The following PALM2AKAP2 variants were observed in gnomAD, a reference collection of about 807,000 sequenced individuals.
The protein encoded by PALM2AKAP2 is PALM2 and AKAP2 fusion, also known as PALM2-AKAP2 fusion protein.
In PALM2AKAP2, 37 loss-of-function variants were observed where a neutral mutation model predicts 71.5. That is an observed-to-expected ratio of 0.52 (90% CI 0.40 to 0.68). PALM2AKAP2 has a LOEUF of 0.68. Among genes scored for constraint, PALM2AKAP2 ranks in the 30% least tolerant of loss-of-function variants. The probability of loss-of-function intolerance (pLI) is 0.00; values close to 1 mark genes in which losing one functional copy is unlikely to be tolerated. For synonymous variants in PALM2AKAP2, 468 were observed against 478.8 expected, an observed-to-expected ratio of 0.98 and a Z score of 0.29; for missense variants, 1,224 against 1,191.8, an observed-to-expected ratio of 1.03 and a Z score of -0.40.
At position 109,704,002 on chromosome 9, in the gene PALM2AKAP2, T is replaced by A. The variant is rs573336195; in HGVS notation, c.5+63136T>A. Among the ~76,000 whole-genome samples, 300 of 152,294 alleles carry A rather than the reference T, an allele frequency of 2.0e-3. 2 individuals are homozygous for A. The highest frequency in any genetic ancestry group is 6.9e-3 in the African/African-American group (287 of 41,552). On this transcript the variant is annotated intron_variant, in intron 1 of 6. Transcript: ENST00000374531. ...TCCACACTGGTCACTTTTGAAAGGC[T>A]CCTTGGCCAGGTTCTTGTATCTTGG...
chr9:109,930,920 T>C (rs911824264), intron 5 of PALM2AKAP2, among the ~76,000 whole-genome samples: 1 of 152,128 alleles, frequency 6.6e-6, no homozygotes, highest in Non-Finnish European at 1.5e-5. Context: ...AGATACAAGG[T>C]CCATTTTGCA....
At chr9:110,001,494 C>T (rs956297774) in intron 6 of PALM2AKAP2, among the ~76,000 whole-genome samples, 1 of 152,200 alleles carries the variant, frequency 6.6e-6, no homozygotes, top group Non-Finnish European at 1.5e-5. Context: ...CTTGGCAATG[C>T]AGGCTCTTTT....
rs150704258 is a variant in PALM2AKAP2, at chr9:109,895,254, G to A, written c.257+14573G>A. Among the ~76,000 whole-genome samples the A allele has an allele frequency of 3.0e-3, 463 of 152,332 alleles. 1 individual carries two copies. The highest frequency in any genetic ancestry group is 0.011 in the African/African-American group (449 of 41,574). On this transcript the variant is annotated intron_variant, in intron 3 of 9. Transcript: ENST00000302798. ...GCAGCTGTTTCATAAACATGACTTT[G>A]CGGGGGCAGCTCAGGCCTTCCATGC...
At chr9:110,072,991 T>A (rs1048488536) in intron 1 of PALM2AKAP2, among the ~76,000 whole-genome samples, 1 of 152,216 alleles carries the variant, frequency 6.6e-6, no homozygotes, top group Non-Finnish European at 1.5e-5. Flanking sequence ...AGAGGAGACA[T>A]GCATCACTAT....
At chr9:110,023,031 A>G (rs1023456580) in intron 7 of PALM2AKAP2, among the ~76,000 whole-genome samples, 4 of 152,122 alleles carry the variant, frequency 2.6e-5, no homozygotes, top group African/African-American at 7.2e-5. Context: ...TAGTGCCACA[A>G]TAAACATACG....
chr9:110,047,716 G>A (rs1011744215), upstream of PALM2AKAP2, among the ~76,000 whole-genome samples: 1 of 152,160 alleles, frequency 6.6e-6, no homozygotes, highest in African/African-American at 2.4e-5. Context: ...GAATGAATGC[G>A]GCCACCTACA....
intron 6 of PALM2AKAP2, among the ~76,000 whole-genome samples, chr9:109,991,262 A>G (rs1588047559): frequency 6.6e-6 from 1 of 150,422 alleles, no homozygotes; most frequent in African/African-American, 2.4e-5. Context: ...TTTAAGACAG[A>G]GTCTCCCTCT....
chr9:109,831,281 C>T (rs1284795825), intron 1 of PALM2AKAP2, among the ~76,000 whole-genome samples: 1 of 151,990 alleles, frequency 6.6e-6, no homozygotes, highest in Non-Finnish European at 1.5e-5. Context: ...TGAAGGTTGC[C>T]TTGTATTAGG....
At chr9:109,676,785 A>G (rs2118505345) in intron 1 of PALM2AKAP2, among the ~76,000 whole-genome samples, 1 of 152,350 alleles carries the variant, frequency 6.6e-6, no homozygotes, top group East Asian at 1.9e-4. Context: ...AAGGGAGAAA[A>G]GTGTTTCAAG....
chr9:109,997,340 A>G (rs1832593330), intron 6 of PALM2AKAP2, among the ~76,000 whole-genome samples: 2 of 152,136 alleles, frequency 1.3e-5, no homozygotes, highest in African/African-American at 4.8e-5. Context: ...ATCATGTTGT[A>G]TGAGGATTAA....
At chr9:109,899,454 TCCCTTC>T (rs1224182095) in intron 3 of PALM2AKAP2, among the ~76,000 whole-genome samples, 1 of 151,728 alleles carries the variant, frequency 6.6e-6, no homozygotes, top group Non-Finnish European at 1.5e-5. Flanking sequence ...TCACCTAGTC[TCCCTTC>T]CCCTAGTGTT....
At chr9:109,782,777 T>TGTGC (rs1491275804) in intron 1 of PALM2AKAP2, among the ~76,000 whole-genome samples, 1 of 144,732 alleles carries the variant, frequency 6.9e-6, no homozygotes, top group African/African-American at 2.6e-5. Context: ...TGTGTGTGTG[T>TGTGC]ATGTGTGTGT....
chr9:110,111,790 C>G (rs1835260123), intron 1 of PALM2AKAP2, among the ~76,000 whole-genome samples: 1 of 152,110 alleles, frequency 6.6e-6, no homozygotes, highest in Non-Finnish European at 1.5e-5. Context: ...TTTTAAAATA[C>G]AACAAAGCTG....
intron 6 of PALM2AKAP2, among the ~76,000 whole-genome samples, chr9:109,953,005 T>C (rs1268236719): frequency 6.6e-6 from 1 of 152,216 alleles, no homozygotes; most frequent in Non-Finnish European, 1.5e-5. Flanking sequence ...TGTCCAAATA[T>C]AGAGATTATA....
Position 110,004,972 on chromosome 9 carries a change from G to A in PALM2AKAP2, c.497-10982G>A, listed in dbSNP as rs142098454. Among the ~76,000 whole-genome samples, 376 of 152,258 alleles carry A rather than the reference G, an allele frequency of 2.5e-3. 6 individuals carry two copies. The Middle Eastern group carries it at 0.037, about 15-fold the overall frequency. Reference sequence around the variant, plus strand: ...TTTTTAACTTCTTTGCCATGGGTTCGAATTTCCTCCTTTAGCTCGGAGTAG... The same window carrying A: ...TTTTTAACTTCTTTGCCATGGGTTCAAATTTCCTCCTTTAGCTCGGAGTAG... On this transcript the variant is annotated intron_variant, in intron 6 of 9. Coordinates refer to the PALM2AKAP2 transcript ENST00000302798.
intron 1 of PALM2AKAP2, among the ~76,000 whole-genome samples, chr9:110,055,171 T>G (rs186207547): frequency 0.014 from 958 of 67,820 alleles, 12 homozygotes; most frequent in African/African-American, 0.033. Context: ...AGTTTTTTAG[T>G]TTTTTTTTTT....
chr9:109,998,492 A>G (rs1005330238), intron 6 of PALM2AKAP2, among the ~76,000 whole-genome samples: 3 of 152,140 alleles, frequency 2.0e-5, no homozygotes, highest in Non-Finnish European at 4.4e-5. Context: ...ACAAAAGCGA[A>G]CACTCAATAG....
rs549692543 is a variant in PALM2AKAP2, at chr9:109,798,251, C to T, written c.45+17718C>T. The stretch of plus-strand genomic sequence containing the variant: ...ATAAGTTGATGACTTCTGAAAGGAC[C>T]CTGACTCAGAAATATCCTGAGGTAC... On this transcript the variant is annotated intron_variant, in intron 1 of 9. Coordinates refer to the PALM2AKAP2 transcript ENST00000302798. 5.3e-5 allele frequency among the ~76,000 whole-genome samples: 8 copies of T among 152,242 alleles called. No homozygotes were observed. The East Asian group carries it at 1.5e-3, about 29-fold the overall frequency.
chr9:109,754,864 G>A (rs1364358262), intron 1 of PALM2AKAP2, among the ~76,000 whole-genome samples: 2 of 152,006 alleles, frequency 1.3e-5, no homozygotes. Flanking sequence ...TTCCACATAC[G>A]AATGTTGGGG....
Sources: gnomAD v4.1 joint callset for allele counts (sites outside exome capture counted in the v4.1 genomes callset) on GRCh38, gnomAD v4.1.1 for gene constraint, MANE v1.5 for transcripts, NCBI Gene and HGNC (gene_info 2026-07-23, HGNC 2026-07-21) for gene names.